Variants in COL12A1 observed in about 807,000 individuals in gnomAD.
The protein encoded by COL12A1 is collagen alpha-1(XII) chain.
Under a neutral mutation model 349.7 loss-of-function variants are expected in COL12A1, and 114 were observed. That is an observed-to-expected ratio of 0.33 (90% CI 0.28 to 0.38). COL12A1 has a LOEUF of 0.38. COL12A1 is among the 10% of genes least tolerant of loss of function. The pLI is 1.00. For missense variants in COL12A1, 3,284 were observed against 3,756.9 expected (o/e 0.87, Z 3.29); for synonymous variants, 1,369 against 1,329.0 (o/e 1.03, Z -0.66).
intron 25 of COL12A1, among the ~76,000 whole-genome samples, chr6:75,144,025 G>T (rs141404083): frequency 6.6e-6 from 1 of 152,198 alleles, no homozygotes; most frequent in African/African-American, 2.4e-5. Flanking sequence ...CATTTGACTA[G>T]TTTAACTTGT....
chr6:75,189,085 A>C (rs1172567398), intron 7 of COL12A1, 132 bp downstream of exon 7: 1 of 978,372 alleles, frequency 1.0e-6, no homozygotes, highest in Non-Finnish European at 1.5e-6. Flanking sequence ...TAAGTCTTTA[A>C]TATTACACTA....
At chr6:75,193,741 G>T (rs1770076463) in intron 3 of COL12A1, among the ~76,000 whole-genome samples, 1 of 130,474 alleles carries the variant, frequency 7.7e-6, no homozygotes, top group Admixed American at 8.4e-5. Context: ...CACACCCCAT[G>T]ACAGGCCCCA....
intron 13 of COL12A1, 48 bp downstream of exon 13, chr6:75,174,990 G>A: frequency 6.3e-7 from 1 of 1,597,706 alleles, no homozygotes; most frequent in Non-Finnish European, 8.5e-7. Context: ...CCTAGAGGCA[G>A]CACCACAAAC....
chr6:75,200,492 G>A (rs1582229323), intron 2 of COL12A1, among the ~76,000 whole-genome samples: 1 of 152,258 alleles, frequency 6.6e-6, no homozygotes, highest in Admixed American at 6.5e-5. Flanking sequence ...GGAATCACTT[G>A]AACCCAGGAG....
intron 14 of COL12A1, among the ~76,000 whole-genome samples, chr6:75,156,740 A>G (rs985884589): frequency 2.6e-5 from 4 of 152,218 alleles, no homozygotes; most frequent in Non-Finnish European, 5.9e-5. Context: ...CTAATACTAA[A>G]AAATGGAAGT....
Position 75,177,743 on chromosome 6 carries a change from G to A in COL12A1, c.2357C>T (p.Thr786Met), listed in dbSNP as rs148810173. The change falls in exon 12 of 66, where the codon ACG becomes ATG. Residue 786 changes from threonine (T) to methionine (M), a missense_variant. This residue lies in a region of COL12A1 where 2,601 missense variants were observed against 2,824.8 expected (regional missense o/e 0.92). Transcript: ENST00000322507. ...RRTLENLIPD[T>M]KYEVSVIPEY... is the part of the protein sequence containing the mutation. ...AGGAATTACAGATACTTCATATTTC[G>A]TGTCTGGAATCAAGTTCTCCAGTGT... 237 of 1,614,030 alleles carry A rather than the reference G, an allele frequency of 1.5e-4. No homozygotes were observed. In the African/African-American group the frequency reaches 2.2e-3, roughly 15 times the overall value.
At chr6:75,152,952 GACT>G (rs1297371611) in intron 17 of COL12A1, among the ~76,000 whole-genome samples, 1 of 152,048 alleles carries the variant, frequency 6.6e-6, no homozygotes, top group African/African-American at 2.4e-5. Context: ...GAATGAGATG[GACT>G]GATAAAATAT....
At position 75,183,365 on chromosome 6, in the gene COL12A1, C is replaced by T. The variant is rs1403187404; in HGVS notation, c.1576G>A (p.Val526Ile). 3.7e-6 allele frequency: 6 copies of T among 1,614,090 alleles called. No individual in the cohort carries two copies. The East Asian group carries it at 1.1e-4, about 30-fold the overall frequency. Reference sequence around the variant, plus strand: ...CTAGGCACAAATATTTTCTCTCTGACATAAGTCATTGCTTTGCCAGTATTT... The same window carrying T: ...CTAGGCACAAATATTTTCTCTCTGATATAAGTCATTGCTTTGCCAGTATTT... ...STNTGKAMTY[V>I]REKIFVPSKG... The change falls in exon 10 of 66, where the codon GTC becomes ATC. Residue 526 changes from valine to isoleucine, a missense_variant. Around this residue, in one of 2 missense-constraint regions of COL12A1, gnomAD observed 2,601 missense variants for 2,824.8 expected, o/e 0.92. Coordinates refer to ENST00000322507, the MANE Select transcript of COL12A1 (RefSeq NM_004370.6).
Position 75,205,237 on chromosome 6 carries a change from G to A in COL12A1, c.-36+540C>T, listed in dbSNP as rs1770720465. Among the ~76,000 whole-genome samples the A allele has an allele frequency of 2.0e-5, 3 of 149,590 alleles. No homozygotes were observed. The South Asian group carries it at 6.5e-4, about 32-fold the overall frequency. ...CCCACCATCTCGGATGCTCTGAAAG[G>A]TAGGGGAGGAAGGAGCCAGAACACT... is the stretch of plus-strand genomic sequence containing the variant. On this transcript the variant is annotated intron_variant, in intron 1 of 65. Coordinates refer to ENST00000322507, the MANE Select transcript of COL12A1 (RefSeq NM_004370.6).
chr6:75,162,046 G>T (rs555205260), intron 14 of COL12A1, among the ~76,000 whole-genome samples: 1 of 152,262 alleles, frequency 6.6e-6, no homozygotes, highest in Admixed American at 6.5e-5. Flanking sequence ...TAGATATGAA[G>T]AATCAATACT....
chr6:75,181,918 C>T lies in COL12A1; in HGVS notation c.1892-707G>A, dbSNP rs147376985. 8.4e-3 allele frequency among the ~76,000 whole-genome samples: 1,244 copies of T among 147,540 alleles called. 19 individuals are homozygous for T. The highest frequency in any genetic ancestry group is 0.031 in the African/African-American group (1,171 of 37,704). On this transcript the variant is annotated intron_variant, in intron 10 of 65. Coordinates refer to ENST00000322507, the MANE Select transcript of COL12A1 (RefSeq NM_004370.6). ...CAGACTAGCCAACATGGGGAAACCC[C>T]GTCTCTACCAAAAAAAAAAACAGAA...
intron 14 of COL12A1, 126 bp downstream of exon 14, chr6:75,165,381 T>G (rs1164804772): frequency 1.3e-5 from 17 of 1,278,580 alleles, no homozygotes; most frequent in Non-Finnish European, 1.8e-5. Flanking sequence ...TTAAAGATCC[T>G]AATTCCTCAG....
Position 75,117,256 on chromosome 6 carries a change from T to C in COL12A1, c.7519+126A>G, listed in dbSNP as rs1582075924. 8 of 900,578 alleles carry C rather than the reference T, an allele frequency of 8.9e-6. No individual in the cohort carries two copies. In the East Asian group the frequency reaches 2.0e-4, roughly 23 times the overall value. 55.8% of individuals were successfully genotyped at this position (900,578 alleles called of 1,614,324 possible). ...GCAATAGGAACAGTGATTCATCAGGTTCTCAAGTGATTTCCCAGGATCTAT... is the reference window on the plus strand; with the variant it reads ...GCAATAGGAACAGTGATTCATCAGGCTCTCAAGTGATTTCCCAGGATCTAT... On this transcript the variant is annotated intron_variant, in intron 47 of 65. Transcript: ENST00000322507.
rs576719203 is a variant in COL12A1 at position 75,202,987 on chromosome 6, G to C, written c.-35-160C>G. ...ATGGGCCTATTGTGAAGCAGTGGAA[G>C]TCAAGTTCGTCTACAGAAGTTTAAT... On this transcript the variant is annotated intron_variant, in intron 1 of 65. Coordinates refer to ENST00000322507, the MANE Select transcript of COL12A1 (RefSeq NM_004370.6). 2.6e-5 allele frequency among the ~76,000 whole-genome samples: 4 copies of C among 152,348 alleles called. No individual in the cohort carries two copies. The East Asian group carries it at 7.7e-4, about 29-fold the overall frequency.
At chr6:75,142,807 C>T (rs1197600607) in intron 26 of COL12A1, among the ~76,000 whole-genome samples, 4 of 152,212 alleles carry the variant, frequency 2.6e-5, no homozygotes, top group African/African-American at 9.7e-5. Context: ...GGACACCCCT[C>T]TAACAACATA....
chr6:75,091,445 T>TAAAG lies in COL12A1; in HGVS notation c.8685+44_8685+45insCTTT, dbSNP rs776535931. On this transcript the variant is annotated intron_variant, in intron 61 of 65. Transcript: ENST00000322507. ...TTAGTTCTATAGTTTTAGGCTTCAA[T>TAAAG]GTTTAACACACAAAATAAACGTAAG... 5 of 1,612,350 alleles carry TAAAG rather than the reference T, an allele frequency of 3.1e-6. No homozygotes were observed. In the South Asian group the frequency reaches 5.5e-5, roughly 18 times the overall value.
chr6:75,184,133 G>A lies in COL12A1; in HGVS notation c.1009C>T (p.Pro337Ser), dbSNP rs749797723. Residue 337 changes from proline to serine, a missense_variant, in exon 9 of 66, where the codon CCT becomes TCT. Pro to Ser is a moderately conservative substitution (Grantham distance 74). Transcript: ENST00000322507. The stretch of plus-strand genomic sequence containing the variant: ...ACTTCCATGGCAATCAAATTTGAAG[G>A]AGGCTCAACAACTAAAAAGTTACAA... ...LVSGEEVVEP[P>S]SNLIAMEVSS... The A allele has an allele frequency of 2.5e-6, 4 of 1,613,352 alleles. No individual in the cohort carries two copies. In the South Asian group the frequency reaches 4.4e-5, roughly 18 times the overall value.
At chr6:75,188,852 A>G (rs1769773918) in intron 7 of COL12A1, among the ~76,000 whole-genome samples, 1 of 152,132 alleles carries the variant, frequency 6.6e-6, no homozygotes, top group African/African-American at 2.4e-5. Context: ...AGAGTCCTCA[A>G]TAAGCTGGAG....
At chr6:75,181,344 G>C in intron 10 of COL12A1, 133 bp from the exon 11 acceptor site, 1 of 822,398 alleles carries the variant, frequency 1.2e-6, no homozygotes, top group Non-Finnish European at 1.8e-6. Context: ...ACTGTACTGG[G>C]TATCTCATCT....
Sources: gnomAD v4.1 joint callset for allele counts (sites outside exome capture counted in the v4.1 genomes callset) on GRCh38, gnomAD v4.1.1 for gene constraint, gnomAD v4.1.1 regional missense constraint, MANE v1.5 for transcripts, NCBI Gene and HGNC (gene_info 2026-07-23, HGNC 2026-07-21) for gene names.